FAM168A: variants seen among roughly 807,000 people sequenced by gnomAD.
The protein encoded by FAM168A is protein FAM168A.
A neutral mutation model predicts 28.5 loss-of-function variants in FAM168A; 3 were observed. The observed-to-expected ratio is 0.11, with a 90% CI of 0.05 to 0.27. The LOEUF (loss-of-function observed/expected upper bound fraction) is 0.27, where lower values mean the gene tolerates loss of function less well. Among genes scored for constraint, FAM168A ranks in the 10% least tolerant of loss-of-function variants. FAM168A has a pLI of 1.00. For missense variants in FAM168A, 222 were observed against 311.5 expected (o/e 0.71, Z 2.16); for synonymous variants, 122 against 124.2 (o/e 0.98, Z 0.12).
intron 1 of FAM168A, among the ~76,000 whole-genome samples, chr11:73,578,544 A>G (rs568724471): frequency 2.0e-5 from 3 of 152,226 alleles, no homozygotes; most frequent in Non-Finnish European, 2.9e-5. Flanking sequence ...ACCACCCCAG[A>G]ATATCTGCCC....
intron 2 of FAM168A, among the ~76,000 whole-genome samples, chr11:73,440,931 T>C (rs946219973): frequency 6.6e-6 from 1 of 152,094 alleles, no homozygotes; most frequent in Non-Finnish European, 1.5e-5. Context: ...CAATAGAATC[T>C]AATCAGGCAA....
intron 1 of FAM168A, among the ~76,000 whole-genome samples, chr11:73,596,927 T>C (rs990101838): frequency 1.3e-5 from 2 of 152,072 alleles, no homozygotes; most frequent in South Asian, 4.1e-4. Context: ...CAAGGGATAT[T>C]TTCTTCAAGA....
At position 73,563,653 on chromosome 11, in the gene FAM168A, A is replaced by C. The variant is rs987716190; in HGVS notation, c.-19+34270T>G. 4.3e-4 allele frequency among the ~76,000 whole-genome samples: 66 copies of C among 152,380 alleles called. 1 individual carries two copies. The highest frequency in any genetic ancestry group is 1.6e-3 in the African/African-American group (66 of 41,588). On this transcript the variant is annotated intron_variant, in intron 1 of 7. Transcript: ENST00000356467. ...AGACTAAGTTCAGAAGGGGAGACCC[A>C]AAAGCTTTTCCTTCTATTAACTCAC...
intron 4 of FAM168A, among the ~76,000 whole-genome samples, chr11:73,418,809 ATTT>A (rs61036118): frequency 7.3e-6 from 1 of 136,158 alleles, no homozygotes; most frequent in Non-Finnish European, 1.6e-5. Flanking sequence ...CAGTAATTTC[ATTT>A]TTTTTTTTTT....
At chr11:73,584,130 G>T (rs1372468556) in intron 1 of FAM168A, among the ~76,000 whole-genome samples, 1 of 151,836 alleles carries the variant, frequency 6.6e-6, no homozygotes, top group Non-Finnish European at 1.5e-5. Flanking sequence ...AATGATGATT[G>T]ATCTAGTCAG....
At chr11:73,595,489 T>G (rs1220308627) in intron 1 of FAM168A, among the ~76,000 whole-genome samples, 1 of 152,196 alleles carries the variant, frequency 6.6e-6, no homozygotes, top group Non-Finnish European at 1.5e-5. Flanking sequence ...CAATTTTATC[T>G]TCTTTACATC....
chr11:73,454,494 A>C (rs1867490183), intron 2 of FAM168A, among the ~76,000 whole-genome samples: 1 of 152,198 alleles, frequency 6.6e-6, no homozygotes, highest in Non-Finnish European at 1.5e-5. Context: ...TCCTGACACC[A>C]ACCTCTTGAT....
chr11:73,420,509 T>G (rs1255747615), intron 3 of FAM168A, among the ~76,000 whole-genome samples: 1 of 152,268 alleles, frequency 6.6e-6, no homozygotes, highest in East Asian at 1.9e-4. Flanking sequence ...CTGAAGGGAC[T>G]GAGCTGTGGC....
chr11:73,465,985 G>A (rs887482077), intron 2 of FAM168A, among the ~76,000 whole-genome samples: 8 of 152,022 alleles, frequency 5.3e-5, no homozygotes, highest in African/African-American at 1.7e-4. Context: ...GAGAGAGAGA[G>A]AAAGAACACT....
chr11:73,466,046 A>C (rs559421790), intron 2 of FAM168A, among the ~76,000 whole-genome samples: 2 of 152,268 alleles, frequency 1.3e-5, no homozygotes, highest in East Asian at 3.9e-4. Flanking sequence ...CCACAAAACT[A>C]TATTTTATTT....
rs1272015586 is a variant in FAM168A at position 73,545,013 on chromosome 11, T to TATAATATATTATATA, written c.-19+52909_-19+52910insTATATAATATATTAT. 7.8e-3 allele frequency among the ~76,000 whole-genome samples: 608 copies of TATAATATATTATATA among 78,374 alleles called. 72 individuals are homozygous for TATAATATATTATATA. The highest frequency in any genetic ancestry group is 0.054 in the African/African-American group (557 of 10,318). 51.4% of individuals were successfully genotyped at this position (78,374 alleles called of 152,430 possible). On this transcript the variant is annotated intron_variant, in intron 1 of 7. Transcript: ENST00000356467. Reference sequence around the variant, plus strand: ...TATATAGTATATATAATATACTATATATATAGTATATATAATATATATATA... The same window carrying TATAATATATTATATA: ...TATATAGTATATATAATATACTATATATAATATATTATATAATATAGTATATATAATATATATATA...
At chr11:73,541,631 A>C (rs934302210) in intron 1 of FAM168A, among the ~76,000 whole-genome samples, 1 of 152,142 alleles carries the variant, frequency 6.6e-6, no homozygotes, top group African/African-American at 2.4e-5. Context: ...CAGCCTCCCA[A>C]AGTGCTGGGA....
At chr11:73,567,642 C>G (rs1195882934) in intron 1 of FAM168A, among the ~76,000 whole-genome samples, 3 of 152,158 alleles carry the variant, frequency 2.0e-5, no homozygotes, top group Admixed American at 2.0e-4. Flanking sequence ...AACTACATTT[C>G]CAAATGTTAT....
At chr11:73,424,817 G>A (rs1322853800) in intron 3 of FAM168A, among the ~76,000 whole-genome samples, 1 of 152,140 alleles carries the variant, frequency 6.6e-6, no homozygotes, top group Non-Finnish European at 1.5e-5. Flanking sequence ...TGCTGCCCTA[G>A]GGACGGTTCA....
intron 1 of FAM168A, among the ~76,000 whole-genome samples, chr11:73,530,783 G>C (rs1943506222): frequency 6.6e-6 from 1 of 152,098 alleles, no homozygotes; most frequent in African/African-American, 2.4e-5. Context: ...ACTGGATCCT[G>C]ACTAAGTAGG....
At chr11:73,438,448 T>C (rs980846807) in intron 2 of FAM168A, among the ~76,000 whole-genome samples, 1 of 152,074 alleles carries the variant, frequency 6.6e-6, no homozygotes, top group Non-Finnish European at 1.5e-5. Context: ...ACTGATTCCA[T>C]GCATGAAGGT....
At chr11:73,440,032 C>T (rs1047197787) in intron 2 of FAM168A, among the ~76,000 whole-genome samples, 2 of 151,894 alleles carry the variant, frequency 1.3e-5, no homozygotes, top group African/African-American at 2.4e-5. Flanking sequence ...ATTACAGGCG[C>T]CTGCCACCGC....
At chr11:73,492,875 T>C (rs1199156457) in intron 1 of FAM168A, among the ~76,000 whole-genome samples, 2 of 152,180 alleles carry the variant, frequency 1.3e-5, no homozygotes, top group Non-Finnish European at 2.9e-5. Context: ...CCAACATGGA[T>C]GCAGGTGGAG....
intron 1 of FAM168A, among the ~76,000 whole-genome samples, chr11:73,488,903 T>C (rs1868090868): frequency 6.6e-6 from 1 of 152,236 alleles, no homozygotes; most frequent in Admixed American, 6.5e-5. Flanking sequence ...TTTGTTTTTT[T>C]CTTGAGACGG....
Sources: gnomAD v4.1 joint callset for allele counts (sites outside exome capture counted in the v4.1 genomes callset) on GRCh38, gnomAD v4.1.1 for gene constraint, MANE v1.5 for transcripts, NCBI Gene and HGNC (gene_info 2026-07-23, HGNC 2026-07-21) for gene names.